AMT: variants seen among roughly 807,000 people sequenced by gnomAD.
AMT encodes aminomethyltransferase, mitochondrial.
A neutral mutation model predicts 39.5 loss-of-function variants in AMT; 24 were observed. That is an observed-to-expected ratio of 0.61 (90% CI 0.44 to 0.86). The LOEUF (loss-of-function observed/expected upper bound fraction) is 0.86. Ranked by LOEUF, AMT falls within the 40% of genes least tolerant of loss-of-function variation. The pLI is 0.00. For missense variants in AMT, 501 were observed against 537.0 expected (o/e 0.93, Z 0.66); for synonymous variants, 210 against 212.1 (o/e 0.99, Z 0.09).
At position 49,419,338 on chromosome 3, in the gene AMT, G is replaced by A. The variant is rs1361089893; in HGVS notation, c.618C>T (p.Thr206=). ...ADDLRKLPFM[T]SAVMEVFGVS... is the part of the protein sequence containing the mutation. ...CGCCAAACACCTCCATCACAGCACT[G>A]GTCATGAAGGGCAGTTTCCTCAGGT... is the stretch of plus-strand genomic sequence containing the variant. The change falls in exon 6 of 9, where the codon ACC becomes ACT. Residue 206 remains threonine (T), a synonymous_variant. Coordinates refer to ENST00000273588, the MANE Select transcript of AMT (RefSeq NM_000481.4). The A allele has an allele frequency of 1.2e-6, 2 of 1,614,050 alleles. No homozygotes were observed. The highest frequency in any genetic ancestry group is 1.7e-5 in the Admixed American group (1 of 59,986).
intron 3 of AMT, chr3:49,421,047 A>G (rs1575307506): frequency 3.7e-6 from 1 of 270,444 alleles, no homozygotes; most frequent in East Asian, 9.5e-5. Context: ...TGGGACTACA[A>G]GCACGCGCCA....
Position 49,422,256 on chromosome 3 carries a change from T to G in AMT, c.106A>C (p.Thr36Pro), listed in dbSNP as rs1473518972. The stretch of plus-strand genomic sequence containing the variant: ...GCCAGGTGGAAGTCATAGAGCGGTG[T>G]CCTGCGGAGCACCTCCTGTGGGCGG... ...LSCAQEVLRR[T>P]PLYDFHLAHG... The change falls in exon 2 of 9, where the codon ACA becomes CCA. Residue 36 changes from threonine (T) to proline (P), a missense_variant. Transcript: ENST00000273588. 1 of 1,613,870 alleles carries G rather than the reference T, an allele frequency of 6.2e-7. No individual in the cohort carries two copies. The highest frequency in any genetic ancestry group is 1.3e-5 in the African/African-American group (1 of 74,908).
Position 49,417,189 on chromosome 3 carries a change from A to G in AMT, c.*351T>C. On this transcript the variant is annotated 3_prime_UTR_variant, in exon 9 of 9. Transcript: ENST00000273588. ...TGGTGAGGTAGGTTGGGCAGGTTTT[A>G]TCCTCTCCACAAAGGTGAGCCTTTG... 7.3e-7 allele frequency: 1 copy of G among 1,361,404 alleles called. No homozygotes were observed. The highest frequency in any genetic ancestry group is 1.0e-6 in the Non-Finnish European group (1 of 976,762). The allele number at this position is 1,361,404 out of a possible 1,614,324, so 84.3% of individuals were successfully genotyped here.
At chr3:49,418,904 C>CGCCA in intron 7 of AMT, 67 bp downstream of exon 7, 1 of 1,544,398 alleles carries the variant, frequency 6.5e-7, no homozygotes, top group Non-Finnish European at 8.9e-7. Context: ...GAGTCATGGG[C>CGCCA]TGGCTAGTCT....
chr3:49,419,421 C>T lies in AMT; in HGVS notation c.551-16G>A. ...GCAGTGGGGCCTGGGCCCAGGGAGC[C>T]AGTGACCAAGTATCCAGGTCCCAGC... On this transcript the variant is annotated splice_polypyrimidine_tract_variant and intron_variant, in intron 5 of 8. Coordinates refer to ENST00000273588, the MANE Select transcript of AMT (RefSeq NM_000481.4). The T allele has an allele frequency of 6.2e-7, 1 of 1,613,136 alleles. No homozygotes were observed.
chr3:49,421,446 G>T, intron 3 of AMT, 46 bp downstream of exon 3: 1 of 1,531,436 alleles, frequency 6.5e-7, no homozygotes, highest in Non-Finnish European at 9.1e-7. Flanking sequence ...CCCATTTGCT[G>T]GCTCATGACT....
intron 7 of AMT, 24 bp downstream of exon 7, chr3:49,418,947 T>C: frequency 6.2e-7 from 1 of 1,613,094 alleles, no homozygotes; most frequent in Non-Finnish European, 8.5e-7. Context: ...CAGGACCCTA[T>C]CCTTTAGTGC....
rs568311717 is a variant in AMT at position 49,420,360 on chromosome 3, C to T, written c.340-18G>A. 1.5e-5 allele frequency: 25 copies of T among 1,613,916 alleles called. No homozygotes were observed. The highest frequency in any genetic ancestry group is 8.8e-5 in the South Asian group (8 of 91,074). ...AGTGTCCCCTAGGACCAAAGTGGAG[C>T]GTTTTGGCTTCCAGGTCCAGGAGGG... On this transcript the variant is annotated intron_variant, in intron 3 of 8. Transcript: ENST00000273588.
chr3:49,420,031 T>C, intron 4 of AMT, 180 bp downstream of exon 4: 1 of 894,386 alleles, frequency 1.1e-6, no homozygotes, highest in South Asian at 1.5e-5. Flanking sequence ...TGCCTGGTAA[T>C]CCCCCACCAC....
At chr3:49,420,469 G>A (rs2049081224) in intron 3 of AMT, 127 bp from the exon 4 acceptor site, 30 of 1,423,580 alleles carry the variant, frequency 2.1e-5, no homozygotes, top group Non-Finnish European at 2.7e-5. Flanking sequence ...GACTCAGGGT[G>A]TGCAAGGTAC....
chr3:49,421,634 C>G, intron 2 of AMT, 62 bp from the exon 3 acceptor site: 1 of 1,440,268 alleles, frequency 6.9e-7, no homozygotes, highest in Non-Finnish European at 9.8e-7. Flanking sequence ...GGCTACTAAG[C>G]AAGGATGCAT....
chr3:49,421,871 C>T (rs533927686), intron 2 of AMT: 106 of 727,764 alleles, frequency 1.5e-4, no homozygotes, highest in Non-Finnish European at 2.4e-4. Context: ...CTGGAAAACC[C>T]GGGACATTAA....
At position 49,422,049 on chromosome 3, in the gene AMT, A is replaced by C. The variant is rs911535223; in HGVS notation, c.258+55T>G. Reference sequence around the variant, plus strand: ...AGCAAACAAAGCCAAGGAGTGGACCACTGTAAACAGGGAGGAAGGCCTGAT... The same window carrying C: ...AGCAAACAAAGCCAAGGAGTGGACCCCTGTAAACAGGGAGGAAGGCCTGAT... On this transcript the variant is annotated intron_variant, in intron 2 of 8. Coordinates refer to ENST00000273588, the MANE Select transcript of AMT (RefSeq NM_000481.4). The C allele has an allele frequency of 6.2e-6, 10 of 1,610,066 alleles. No individual in the cohort carries two copies. In the Admixed American group the frequency reaches 1.5e-4, roughly 24 times the overall value.
chr3:49,420,047 C>T (rs933282352), intron 4 of AMT, 164 bp downstream of exon 4: 2 of 993,948 alleles, frequency 2.0e-6, no homozygotes, highest in East Asian at 2.6e-5. Context: ...ACCACCAAAC[C>T]CTGGCGTGCT....
chr3:49,421,532 C>T lies in AMT; in HGVS notation c.299G>A (p.Ser100Asn). ...LGSDRVKLME[S>N]LVVGDIAELR... ...CTCTGCAATGTCTCCAACCACTAGA[C>T]TCTCCATCAGCTTCACCCGGTCACT... Residue 100 changes from serine (S) to asparagine (N), a missense_variant, in exon 3 of 9, where the codon AGT becomes AAT. Physicochemically the swap from Ser to Asn is conservative, Grantham distance 46 (BLOSUM62 1). Transcript: ENST00000273588. 6.2e-7 allele frequency: 1 copy of T among 1,614,198 alleles called. No homozygotes were observed. Among genetic ancestry groups the T allele is most frequent in the Non-Finnish European group, 8.5e-7 (1 of 1,180,030 alleles).
At position 49,421,520 on chromosome 3, in the gene AMT, C is replaced by T. The variant is rs753221440; in HGVS notation, c.311G>A (p.Gly104Glu). The change falls in exon 3 of 9, where the codon GGA (glycine) becomes GAA (glutamate). Residue 104 changes from glycine (G) to glutamate (E), a missense_variant. Gly to Glu is a moderately conservative substitution (Grantham distance 98, BLOSUM62 -2). Transcript: ENST00000273588. ...RVKLMESLVV[G>E]DIAELRPNQG... is the part of the protein sequence containing the mutation. ...GTTTGGTCTTAGCTCTGCAATGTCT[C>T]CAACCACTAGACTCTCCATCAGCTT... is the stretch of plus-strand genomic sequence containing the variant. 6.2e-7 allele frequency: 1 copy of T among 1,614,160 alleles called. No individual in the cohort carries two copies. The highest frequency in any genetic ancestry group is 8.5e-7 in the Non-Finnish European group (1 of 1,180,034).
chr3:49,421,143 G>C, intron 3 of AMT: 1 of 330,174 alleles, frequency 3.0e-6, no homozygotes, highest in East Asian at 7.5e-5. Context: ...GACCTCAGGT[G>C]ATCCACCCGC....
intron 7 of AMT, 92 bp from the exon 8 acceptor site, chr3:49,418,065 G>A (rs2049030523): frequency 1.7e-5 from 25 of 1,472,130 alleles, no homozygotes; most frequent in Non-Finnish European, 2.3e-5. Flanking sequence ...ACACTATCTA[G>A]CATCAAGGCC....
chr3:49,422,045 G>A (rs2107937140), intron 2 of AMT, 59 bp downstream of exon 2: 1 of 1,608,746 alleles, frequency 6.2e-7, no homozygotes, highest in Non-Finnish European at 8.5e-7. Context: ...CCAAGGAGTG[G>A]ACCACTGTAA....
Sources: gnomAD v4.1 joint callset for allele counts on GRCh38, gnomAD v4.1.1 for gene constraint, MANE v1.5 for transcripts, NCBI Gene and HGNC (gene_info 2026-07-23, HGNC 2026-07-21) for gene names.